ZNF592: variants seen among roughly 807,000 people sequenced by gnomAD.
ZNF592 encodes spinocerebellar ataxia, autosomal recessive 5.
Under a neutral mutation model 80.3 loss-of-function variants are expected in ZNF592, and 11 were observed. The ratio of observed to expected loss-of-function variants is 0.14; its 90% confidence interval spans 0.09 to 0.23. The LOEUF is 0.23. Ranked by LOEUF, ZNF592 falls within the 10% of genes least tolerant of loss-of-function variation. The pLI is 1.00. For synonymous variants in ZNF592, 646 were observed against 640.3 expected (o/e 1.01, Z -0.13); for missense variants, 1,420 against 1,633.9 (o/e 0.87, Z 2.26).
Position 84,799,040 on chromosome 15 carries a change from T to C in ZNF592, c.3025-58T>C. On this transcript the variant is annotated intron_variant, in intron 8 of 10. Transcript: ENST00000560079. This position sits in a 1 kb window ranked among gnomAD's most constrained non-coding sequence, Gnocchi z 4.2. ...TGCCCATGGCATCTGAGAAGAAAAA[T>C]GCACCCAGAACTATCTTACAGTTCT... The C allele has an allele frequency of 6.2e-7, 1 of 1,607,222 alleles. No homozygotes were observed. The highest frequency in any genetic ancestry group is 8.5e-7 in the Non-Finnish European group (1 of 1,173,810).
Position 84,806,257 on chromosome 15 carries a change from C to G in ZNF592, c.*3864C>G, listed in dbSNP as rs1436769414. 2 of 152,200 alleles carry G rather than the reference C, an allele frequency of 1.3e-5. No homozygotes were observed. Among genetic ancestry groups the G allele is most frequent in the Non-Finnish European group, 2.9e-5 (2 of 68,032 alleles). 9.4% of individuals were successfully genotyped at this position (152,200 alleles called of 1,614,324 possible). A position where few individuals can be genotyped will look rare whatever the true frequency, so the allele number is the denominator to read the frequency against. On this transcript the variant is annotated 3_prime_UTR_variant, in exon 11 of 11. Transcript: ENST00000560079. The stretch of plus-strand genomic sequence containing the variant: ...TACTGTTCACCTTCTCCAACAGATG[C>G]CACCGGAGCCTTAGGAACTGGGCAC...
chr15:84,799,705 G>A lies in ZNF592; in HGVS notation c.3138-137G>A. ...TGCTACCTTGGCTGGCCTGCTGGCT[G>A]GATCTCTCTGGGGTTCCCAGCACTA... On this transcript the variant is annotated intron_variant, in intron 9 of 10. Transcript: ENST00000560079. This position sits in a 1 kb window ranked among gnomAD's most constrained non-coding sequence, Gnocchi z 4.2. 1 of 1,343,866 alleles carries A rather than the reference G, an allele frequency of 7.4e-7. No homozygotes were observed. The highest frequency in any genetic ancestry group is 1.0e-6 in the Non-Finnish European group (1 of 952,548). The allele number at this position is 1,343,866 out of a possible 1,614,324, so 83.2% of individuals were successfully genotyped here.
chr15:84,768,229 T>C (rs1567062698), intron 2 of ZNF592, among the ~76,000 whole-genome samples: 1 of 144,344 alleles, frequency 6.9e-6, no homozygotes, highest in African/African-American at 2.6e-5. Context: ...TTTCTTTCTT[T>C]CTTTTTTTTT....
chr15:84,794,097 G>C (rs1013037919), intron 5 of ZNF592, among the ~76,000 whole-genome samples: 1 of 150,942 alleles, frequency 6.6e-6, no homozygotes, highest in Non-Finnish European at 1.5e-5. Flanking sequence ...GTCAGCGGGT[G>C]GGGGGCTAGG....
chr15:84,786,574 C>G (rs531524233), intron 4 of ZNF592, among the ~76,000 whole-genome samples: 34 of 152,102 alleles, frequency 2.2e-4, no homozygotes, highest in Non-Finnish European at 4.3e-4. Context: ...ACTCAGCCCC[C>G]CAAAGGGGCC....
chr15:84,750,022 C>A (rs907600025), intron 1 of ZNF592, among the ~76,000 whole-genome samples: 1 of 152,234 alleles, frequency 6.6e-6, no homozygotes, highest in Non-Finnish European at 1.5e-5. Flanking sequence ...ATAGTCGTGG[C>A]CGGGCGCGGT....
chr15:84,750,743 C>T (rs1444679063), intron 1 of ZNF592, among the ~76,000 whole-genome samples: 1 of 151,946 alleles, frequency 6.6e-6, no homozygotes, highest in East Asian at 1.9e-4. Flanking sequence ...AGGCCAAGAT[C>T]TGAAGGAGGG....
intron 1 of ZNF592, among the ~76,000 whole-genome samples, chr15:84,748,939 C>T (rs1256825880): frequency 6.6e-6 from 1 of 151,402 alleles, no homozygotes; most frequent in Non-Finnish European, 1.5e-5. Context: ...CTTGGCAGGC[C>T]GGGCACGCTG....
At chr15:84,780,117 G>C (rs1403913279) in intron 3 of ZNF592, among the ~76,000 whole-genome samples, 1 of 151,188 alleles carries the variant, frequency 6.6e-6, no homozygotes, top group Non-Finnish European at 1.5e-5. Flanking sequence ...CTCCCAAGTA[G>C]ATGGTACTAC....
intron 2 of ZNF592, among the ~76,000 whole-genome samples, chr15:84,773,592 T>C (rs1029399371): frequency 2.6e-5 from 4 of 152,192 alleles, no homozygotes; most frequent in African/African-American, 9.7e-5. Context: ...GGAGAAGATC[T>C]ACAGAGCACC....
chr15:84,793,698 C>T (rs1046248736), intron 5 of ZNF592, among the ~76,000 whole-genome samples: 1 of 152,184 alleles, frequency 6.6e-6, no homozygotes, highest in Non-Finnish European at 1.5e-5. Context: ...CTTCTTTCTT[C>T]CCCCCTAGCC....
chr15:84,759,067 A>G (rs1899267821), intron 1 of ZNF592, among the ~76,000 whole-genome samples: 1 of 152,152 alleles, frequency 6.6e-6, no homozygotes, highest in Non-Finnish European at 1.5e-5. Context: ...TAAAGGAACA[A>G]CCTCAAGATT....
Position 84,783,230 on chromosome 15 carries a change from T to C in ZNF592, c.555T>C (p.Ala185=), listed in dbSNP as rs1443674599. ...CGAVGGPVLE[A]LAKFPVPELH... ...CTGTGGGAGGCCCAGTCCTGGAGGC[T>C]CTGGCTAAGTTTCCGGTTCCAGAGC... is the stretch of plus-strand genomic sequence containing the variant. Residue 185 remains alanine, a synonymous_variant, in exon 4 of 11, where the codon GCT becomes GCC. Transcript: ENST00000560079. This position sits in a 1 kb window ranked among gnomAD's most constrained non-coding sequence, Gnocchi z 5.0. 6.2e-7 allele frequency: 1 copy of C among 1,614,174 alleles called. No homozygotes were observed. Among genetic ancestry groups the C allele is most frequent in the South Asian group, 1.1e-5 (1 of 91,082 alleles).
chr15:84,803,975 T>C lies in ZNF592; in HGVS notation c.*1582T>C, dbSNP rs995921562. ...TCAAGGAGGCATTAAATATCAATTA[T>C]AAATTATTAAGTCAGATAAATATGC... On this transcript the variant is annotated 3_prime_UTR_variant, in exon 11 of 11. Coordinates refer to ENST00000560079, the MANE Select transcript of ZNF592 (RefSeq NM_014630.3). The C allele has an allele frequency of 6.6e-6, 1 of 152,230 alleles. No homozygotes were observed. Among genetic ancestry groups the C allele is most frequent in the South Asian group, 2.1e-4 (1 of 4,826 alleles). The allele number at this position is 152,230 out of a possible 1,614,324, so 9.4% of individuals were successfully genotyped here.
intron 4 of ZNF592, among the ~76,000 whole-genome samples, chr15:84,786,917 C>T (rs912806685): frequency 4.4e-5 from 6 of 134,972 alleles, no homozygotes; most frequent in Non-Finnish European, 7.6e-5. Flanking sequence ...GTGGTGCGAT[C>T]TCGGCCCACT....
intron 1 of ZNF592, among the ~76,000 whole-genome samples, chr15:84,749,732 A>G (rs1893254901): frequency 1.3e-5 from 2 of 152,212 alleles, no homozygotes; most frequent in Non-Finnish European, 2.9e-5. Context: ...GGATGTGGAC[A>G]GACAGATTCC....
At chr15:84,766,706 A>AGTGTGT (rs10667788) in intron 2 of ZNF592, among the ~76,000 whole-genome samples, 13,543 of 139,986 alleles carry the variant, frequency 0.097, 932 homozygotes, top group African/African-American at 0.18. Flanking sequence ...GATGAGAAAG[A>AGTGTGT]GTGTGTGTGT....
intron 1 of ZNF592, among the ~76,000 whole-genome samples, chr15:84,762,293 C>T (rs1899375509): frequency 6.6e-6 from 1 of 152,038 alleles, no homozygotes; most frequent in Non-Finnish European, 1.5e-5. Flanking sequence ...ATGAAGCAGG[C>T]TTGGTGGATG....
Position 84,804,502 on chromosome 15 carries a change from C to T in ZNF592, c.*2109C>T, listed in dbSNP as rs2141532915. The T allele has an allele frequency of 6.6e-6, 1 of 152,304 alleles. No homozygotes were observed. The highest frequency in any genetic ancestry group is 6.5e-5 in the Admixed American group (1 of 15,290). 9.4% of individuals were successfully genotyped at this position (152,304 alleles called of 1,614,324 possible). A position where few individuals can be genotyped will look rare whatever the true frequency, so the allele number is the denominator to read the frequency against. On this transcript the variant is annotated 3_prime_UTR_variant, in exon 11 of 11. Coordinates refer to ENST00000560079, the MANE Select transcript of ZNF592 (RefSeq NM_014630.3). ...AATGCTGAGCCAGTCCCTGGAAAAC[C>T]TGGGTCCTGGCCTGGATTCTGTCCT...
Sources: allele counts gnomAD v4.1 joint callset (sites outside exome capture counted in the v4.1 genomes callset), GRCh38; gene constraint gnomAD v4.1.1; non-coding constraint Gnocchi (gnomAD v3.1); transcripts MANE v1.5; gene names NCBI Gene and HGNC (gene_info 2026-07-23, HGNC 2026-07-21).